HHIP: variants seen among roughly 807,000 people sequenced by gnomAD.
The protein encoded by HHIP is hedgehog interacting protein.
In HHIP, 12 loss-of-function variants were observed where a neutral mutation model predicts 74.0. That is an observed-to-expected ratio of 0.16 (90% CI 0.10 to 0.26). The LOEUF (loss-of-function observed/expected upper bound fraction) is 0.26. HHIP is among the 10% of genes least tolerant of loss of function. HHIP has a pLI of 1.00. For missense variants in HHIP, 788 were observed against 845.0 expected, an observed-to-expected ratio of 0.93 and a Z score of 0.84; for synonymous variants, 309 against 311.6, an observed-to-expected ratio of 0.99 and a Z score of 0.09.
chr4:144,680,914 C>A (rs923721638), intron 4 of HHIP, among the ~76,000 whole-genome samples: 1 of 152,118 alleles, frequency 6.6e-6, no homozygotes, highest in African/African-American at 2.4e-5. Flanking sequence ...CAGTATTGAC[C>A]TGCAAAATAC....
chr4:144,660,842 A>C (rs60684117), intron 4 of HHIP, among the ~76,000 whole-genome samples: 1 of 152,072 alleles, frequency 6.6e-6, no homozygotes, highest in South Asian at 2.1e-4. Flanking sequence ...CTGGTCATGG[A>C]TGACTTCCTT....
chr4:144,670,576 C>G (rs1729008325), intron 4 of HHIP, among the ~76,000 whole-genome samples: 1 of 150,812 alleles, frequency 6.6e-6, no homozygotes, highest in Non-Finnish European at 1.5e-5. Context: ...TCTAACCCAA[C>G]TTTGATCCAA....
chr4:144,702,840 T>C (rs1730024205), intron 4 of HHIP, among the ~76,000 whole-genome samples: 1 of 152,168 alleles, frequency 6.6e-6, no homozygotes, highest in African/African-American at 2.4e-5. Flanking sequence ...GAAGTACAAT[T>C]ATAATGTGAA....
chr4:144,656,286 G>T (rs1183020488), intron 2 of HHIP, among the ~76,000 whole-genome samples: 1 of 152,098 alleles, frequency 6.6e-6, no homozygotes, highest in Non-Finnish European at 1.5e-5. Context: ...TATTCAGTTT[G>T]TCTAAATTAC....
chr4:144,726,669 T>C (rs1200731839), intron 11 of HHIP, among the ~76,000 whole-genome samples: 2 of 152,084 alleles, frequency 1.3e-5, no homozygotes, highest in East Asian at 3.9e-4. Flanking sequence ...CAGCACAACA[T>C]GAAAGTAGTT....
intron 11 of HHIP, among the ~76,000 whole-genome samples, chr4:144,720,826 C>T (rs1036762543): frequency 7.2e-5 from 11 of 151,988 alleles, no homozygotes; most frequent in African/African-American, 2.2e-4. Flanking sequence ...TGTTGGGAGC[C>T]TCATGCTGTT....
At chr4:144,697,977 G>C (rs1438030826) in intron 4 of HHIP, among the ~76,000 whole-genome samples, 5 of 152,056 alleles carry the variant, frequency 3.3e-5, no homozygotes, top group Non-Finnish European at 5.9e-5. Context: ...GTGACTTACA[G>C]GTAGATGATT....
intron 11 of HHIP, among the ~76,000 whole-genome samples, chr4:144,728,541 G>GT (rs956170441): frequency 3.3e-5 from 5 of 151,848 alleles, no homozygotes; most frequent in Non-Finnish European, 5.9e-5. Context: ...GAATTCAAAG[G>GT]TTTTTTTTCC....
chr4:144,691,295 G>C (rs1049075600), intron 4 of HHIP, among the ~76,000 whole-genome samples: 1 of 151,996 alleles, frequency 6.6e-6, no homozygotes, highest in African/African-American at 2.4e-5. Context: ...CAAACTTCAA[G>C]GTTTATTATA....
chr4:144,737,934 G>A lies in HHIP; in HGVS notation c.2080G>A (p.Asp694Asn), dbSNP rs142227664. Residue 694 changes from aspartate to asparagine, a missense_variant, in exon 13 of 13, where the codon GAT becomes AAT. Physicochemically the swap from Asp to Asn is conservative, Grantham distance 23. Coordinates refer to ENST00000296575, the MANE Select transcript of HHIP (RefSeq NM_022475.3). ...CATTGACATGACATCTTACTTGCTG[G>A]ATCTAACAAGTTACATTGTATAGTT... ...QIIDMTSYLL[D>N]LTSYIV 36 of 1,608,236 alleles carry A rather than the reference G, an allele frequency of 2.2e-5. No individual in the cohort carries two copies. Among genetic ancestry groups the A allele is most frequent in the Non-Finnish European group, 2.9e-5 (34 of 1,177,460 alleles).
At chr4:144,715,008 T>A in intron 9 of HHIP, 1 of 271,120 alleles carries the variant, frequency 3.7e-6, no homozygotes, top group South Asian at 4.5e-5. Flanking sequence ...TAGCACAGCA[T>A]GGATTCTAGT....
At chr4:144,671,148 A>C (rs1211933203) in intron 4 of HHIP, among the ~76,000 whole-genome samples, 1 of 151,950 alleles carries the variant, frequency 6.6e-6, no homozygotes, top group Non-Finnish European at 1.5e-5. Flanking sequence ...AGATCAGATG[A>C]CCCCATGAAG....
chr4:144,650,546 A>AC (rs1402582710), intron 1 of HHIP: 2 of 152,102 alleles, frequency 1.3e-5, no homozygotes, highest in African/African-American at 2.4e-5. Context: ...ACCCAGACTC[A>AC]TCTGTCTAAA....
chr4:144,729,415 C>T (rs1160879869), intron 11 of HHIP, among the ~76,000 whole-genome samples: 1 of 152,134 alleles, frequency 6.6e-6, no homozygotes, highest in Non-Finnish European at 1.5e-5. Flanking sequence ...TTGGAAGTGC[C>T]TGAATACACT....
chr4:144,691,546 G>A (rs539548390), intron 4 of HHIP, among the ~76,000 whole-genome samples: 15 of 152,140 alleles, frequency 9.9e-5, no homozygotes, highest in African/African-American at 3.4e-4. Context: ...TGTAGTTTTT[G>A]CTAATGTGCT....
chr4:144,662,089 A>T (rs1728730272), intron 4 of HHIP, among the ~76,000 whole-genome samples: 1 of 152,220 alleles, frequency 6.6e-6, no homozygotes, highest in Non-Finnish European at 1.5e-5. Context: ...ATAAGGAGGA[A>T]TTTCTGATTA....
intron 11 of HHIP, among the ~76,000 whole-genome samples, chr4:144,724,475 T>C (rs72948497): frequency 0.027 from 4,064 of 151,970 alleles, 179 homozygotes; most frequent in African/African-American, 0.091. Context: ...ATCTAAACTT[T>C]TAATTTTTCC....
In HHIP at chr4:144,715,436, G is replaced by A. The variant is rs371933871; in HGVS notation, c.1678+6G>A. The A allele has an allele frequency of 1.2e-6, 2 of 1,611,566 alleles. No individual in the cohort carries two copies. The highest frequency in any genetic ancestry group is 1.7e-6 in the Non-Finnish European group (2 of 1,178,370). ...ATTTGGAGAAGATGAACTAGGTACTGTACAATCTAGTTCTGTTAAGTTTCA... is the reference window on the plus strand; with the variant it reads ...ATTTGGAGAAGATGAACTAGGTACTATACAATCTAGTTCTGTTAAGTTTCA... On this transcript the variant is annotated splice_donor_region_variant and intron_variant, in intron 10 of 12. Transcript: ENST00000296575.
intron 4 of HHIP, among the ~76,000 whole-genome samples, chr4:144,667,277 A>G (rs1728899819): frequency 6.6e-6 from 1 of 152,142 alleles, no homozygotes. Context: ...TGAGCCCAGG[A>G]GTTCAAGGTT....
Sources: gnomAD v4.1 joint callset for allele counts (sites outside exome capture counted in the v4.1 genomes callset) on GRCh38, gnomAD v4.1.1 for gene constraint, MANE v1.5 for transcripts, NCBI Gene and HGNC (gene_info 2026-07-23, HGNC 2026-07-21) for gene names.